The following PRKCA variants were observed in gnomAD, a reference collection of about 807,000 sequenced individuals.
PRKCA encodes protein kinase C alpha type.
Under a neutral mutation model 87.0 loss-of-function variants are expected in PRKCA, and 27 were observed. The ratio of observed to expected loss-of-function variants is 0.31; its 90% CI spans 0.23 to 0.43. The LOEUF (loss-of-function observed/expected upper bound fraction) is 0.43. Among genes scored for constraint, PRKCA ranks in the 20% least tolerant of loss-of-function variants. The pLI, the probability that PRKCA is intolerant of heterozygous loss-of-function variation, is 1.00. For missense variants in PRKCA, 518 were observed against 852.3 expected (o/e 0.61, Z 4.88); for synonymous variants, 329 against 311.1 (o/e 1.06, Z -0.61).
intron 2 of PRKCA, among the ~76,000 whole-genome samples, chr17:66,345,773 C>T (rs779844512): frequency 6.6e-6 from 1 of 152,130 alleles, no homozygotes; most frequent in Non-Finnish European, 1.5e-5. Context: ...AGAAATCTCT[C>T]TGAACTTCAA....
intron 3 of PRKCA, among the ~76,000 whole-genome samples, chr17:66,547,349 A>G (rs144220759): frequency 1.8e-3 from 276 of 152,010 alleles, no homozygotes; most frequent in African/African-American, 6.4e-3. Flanking sequence ...CTCAGTCCCA[A>G]TCCCAGGTCC....
intron 2 of PRKCA, among the ~76,000 whole-genome samples, chr17:66,347,967 A>G: frequency 4.4e-4 from 2 of 4,578 alleles, no homozygotes; most frequent in Non-Finnish European, 3.4e-3. Flanking sequence ...TTTTGAGACA[A>G]AGTCTTGCTC....
intron 3 of PRKCA, among the ~76,000 whole-genome samples, chr17:66,596,341 A>T (rs1969975680): frequency 6.6e-6 from 1 of 152,144 alleles, no homozygotes; most frequent in Non-Finnish European, 1.5e-5. Flanking sequence ...TAATTTAGTC[A>T]TGTAAGGTTC....
chr17:66,688,983 A>G lies in PRKCA; in HGVS notation c.854A>G (p.Tyr285Cys), dbSNP rs1972705582. 1 of 1,607,382 alleles carries G rather than the reference A, an allele frequency of 6.2e-7. No individual in the cohort carries two copies. Among genetic ancestry groups the G allele is most frequent in the Non-Finnish European group, 8.5e-7 (1 of 1,176,564 alleles). The change falls in exon 8 of 17, where the codon TAC (tyrosine) becomes TGC (cysteine). Residue 285 changes from tyrosine (Y) to cysteine (C), a missense_variant. By Grantham distance (194) the Tyr-to-Cys change is radical. Coordinates refer to ENST00000413366, the MANE Select transcript of PRKCA (RefSeq NM_002737.3). ...YKLLNQEEGE[Y>C]YNVPIPEGDE... Reference sequence around the variant, plus strand: ...TTGCTTAACCAAGAAGAAGGTGAGTACTACAACGTACCCATTCCGGAAGGG... The same window carrying G: ...TTGCTTAACCAAGAAGAAGGTGAGTGCTACAACGTACCCATTCCGGAAGGG...
chr17:66,758,207 T>G (rs540229211), intron 13 of PRKCA, among the ~76,000 whole-genome samples: 1 of 152,290 alleles, frequency 6.6e-6, no homozygotes, highest in East Asian at 1.9e-4. Context: ...GCAGACTACA[T>G]TCCAAAAACA....
chr17:66,805,189 TG>T lies in PRKCA; in HGVS notation c.*1153del, dbSNP rs1440929282. 10 of 946,356 alleles carry T rather than the reference TG, an allele frequency of 1.1e-5. No individual in the cohort carries two copies. Among genetic ancestry groups the T allele is most frequent in the Non-Finnish European group, 1.1e-5 (9 of 794,416 alleles). 58.6% of individuals were successfully genotyped at this position (946,356 alleles called of 1,614,324 possible). A position where few individuals can be genotyped will look rare whatever the true frequency, so the allele number is the denominator to read the frequency against. ...TCACGTTGAATGACAGGCCTGGAGC[TG>T]TAGAATCAGGAAACCCGGATGCCTA... On this transcript the variant is annotated 3_prime_UTR_variant, in exon 17 of 17. Transcript: ENST00000413366.
In PRKCA at chr17:66,647,924, TTAA is replaced by T. The variant is rs141793675; in HGVS notation, c.529+2430_529+2432del. ...AGGAATGTGAATTCAGCAAGTTTAA[TTAA>T]TAATAATAATAATAATGTCTTATTC... On this transcript the variant is annotated intron_variant, in intron 5 of 16. Coordinates refer to ENST00000413366, the MANE Select transcript of PRKCA (RefSeq NM_002737.3). Among the ~76,000 whole-genome samples the T allele has an allele frequency of 4.6e-5, 7 of 151,962 alleles. No individual in the cohort carries two copies. In the East Asian group the frequency reaches 1.2e-3, roughly 25 times the overall value.
intron 2 of PRKCA, among the ~76,000 whole-genome samples, chr17:66,484,593 A>T (rs1309637786): frequency 6.6e-6 from 1 of 152,210 alleles, no homozygotes. Context: ...CAGCTAATGG[A>T]GAAAAAGAGT....
At chr17:66,595,918 C>T (rs1320071845) in intron 3 of PRKCA, among the ~76,000 whole-genome samples, 5 of 152,194 alleles carry the variant, frequency 3.3e-5, no homozygotes, top group African/African-American at 4.8e-5. Flanking sequence ...ACTGCAAAGG[C>T]GTACGGCATC....
intron 14 of PRKCA, chr17:66,777,994 G>A: frequency 2.0e-6 from 2 of 985,386 alleles, no homozygotes; most frequent in South Asian, 9.4e-5. Context: ...GCATTTTGAA[G>A]CTCTGCCACA....
intron 14 of PRKCA, among the ~76,000 whole-genome samples, chr17:66,776,776 C>G (rs970324107): frequency 6.6e-6 from 1 of 152,210 alleles, no homozygotes; most frequent in African/African-American, 2.4e-5. Context: ...CAGGGTCTTA[C>G]ATCTCTTCTC....
At chr17:66,650,160 G>A (rs1207714325) in intron 5 of PRKCA, among the ~76,000 whole-genome samples, 1 of 152,200 alleles carries the variant, frequency 6.6e-6, no homozygotes, top group African/African-American at 2.4e-5. Flanking sequence ...AATCACTCAG[G>A]TTGAAGATAA....
Position 66,804,004 on chromosome 17 carries a change from G to A in PRKCA, c.1986G>A (p.Gln662=). 1 of 1,613,772 alleles carries A rather than the reference G, an allele frequency of 6.2e-7. No homozygotes were observed. Among genetic ancestry groups the A allele is most frequent in the Non-Finnish European group, 8.5e-7 (1 of 1,179,852 alleles). ...DFEGFSYVNP[Q]FVHPILQSAV is the part of the protein sequence containing the mutation. ...AAGGGTTCTCGTATGTCAACCCCCAGTTTGTGCACCCCATCTTACAGAGTG... is the reference window on the plus strand; with the variant it reads ...AAGGGTTCTCGTATGTCAACCCCCAATTTGTGCACCCCATCTTACAGAGTG... The change falls in exon 17 of 17, where the codon CAG becomes CAA. Residue 662 remains glutamine (Q), a synonymous_variant. Transcript: ENST00000413366.
At chr17:66,775,144 C>A in intron 14 of PRKCA, 9 of 954,098 alleles carry the variant, frequency 9.4e-6, no homozygotes, top group Non-Finnish European at 1.1e-5. Context: ...ATGCGAGAAG[C>A]CTGAGTCTTT....
chr17:66,748,354 A>G (rs778530064), intron 13 of PRKCA, among the ~76,000 whole-genome samples: 4 of 152,342 alleles, frequency 2.6e-5, no homozygotes, highest in Non-Finnish European at 5.9e-5. Context: ...TGTGTATACA[A>G]GTGAAATTCA....
chr17:66,793,581 A>C (rs1975593296), intron 16 of PRKCA, among the ~76,000 whole-genome samples: 1 of 131,468 alleles, frequency 7.6e-6, no homozygotes, highest in Admixed American at 8.4e-5. Context: ...CAAGAATGAA[A>C]CTCCGTCTCA....
intron 8 of PRKCA, among the ~76,000 whole-genome samples, chr17:66,690,407 C>G (rs1020427130): frequency 6.6e-6 from 1 of 152,176 alleles, no homozygotes; most frequent in Non-Finnish European, 1.5e-5. Context: ...TACCCTGCCC[C>G]ACTCGATGTT....
chr17:66,440,634 G>A (rs1006756686), intron 2 of PRKCA, among the ~76,000 whole-genome samples: 10 of 152,088 alleles, frequency 6.6e-5, no homozygotes, highest in South Asian at 6.2e-4. Flanking sequence ...ACCTAGTCTG[G>A]GACTGGTGGT....
At position 66,489,390 on chromosome 17, in the gene PRKCA, TATATA is replaced by T. The variant is rs1916129458; in HGVS notation, c.206-6810_206-6806del. On this transcript the variant is annotated intron_variant, in intron 2 of 16. Transcript: ENST00000413366. ...ATATATATATATATATATATATATA[TATATA>T]TTTCCCCCCTCAATGAATATAGCAA... is the stretch of plus-strand genomic sequence containing the variant. 4.1e-5 allele frequency among the ~76,000 whole-genome samples: 5 copies of T among 120,862 alleles called. No individual in the cohort carries two copies. In the South Asian group the frequency reaches 8.0e-4, roughly 19 times the overall value. 79.3% of individuals were successfully genotyped at this position (120,862 alleles called of 152,430 possible). A position where few individuals can be genotyped will look rare whatever the true frequency, so the allele number is the denominator to read the frequency against.
Sources: allele counts gnomAD v4.1 joint callset (sites outside exome capture counted in the v4.1 genomes callset), GRCh38; gene constraint gnomAD v4.1.1; transcripts MANE v1.5; gene names NCBI Gene and HGNC (gene_info 2026-07-23, HGNC 2026-07-21).